GRIN2A: variants seen among roughly 807,000 people sequenced by gnomAD.
GRIN2A encodes the protein glutamate receptor ionotropic, NMDA 2A.
GRIN2A carries 22 observed loss-of-function variants against 113.4 expected under a neutral mutation model. That is an observed-to-expected ratio of 0.19 (90% CI 0.14 to 0.28). The LOEUF (loss-of-function observed/expected upper bound fraction) is 0.28. GRIN2A is among the 10% of genes least tolerant of loss of function. The pLI is 1.00. For missense variants in GRIN2A, 1,502 were observed against 1,887.0 expected (o/e 0.80, Z 3.78); for synonymous variants, 827 against 738.4 (o/e 1.12, Z -1.94).
intron 2 of GRIN2A, among the ~76,000 whole-genome samples, chr16:10,104,290 G>A (rs557886839): frequency 4.3e-4 from 65 of 152,288 alleles, no homozygotes; most frequent in African/African-American, 1.2e-3. Flanking sequence ...AGAGAAAAGT[G>A]GATGGATATG....
chr16:9,843,578 C>T (rs190997940), intron 5 of GRIN2A, among the ~76,000 whole-genome samples: 37 of 152,328 alleles, frequency 2.4e-4, no homozygotes, highest in Admixed American at 1.5e-3. Flanking sequence ...GGATCACAGA[C>T]TGCCTGTCTT....
chr16:9,764,845 G>T lies in GRIN2A; in HGVS notation c.2699C>A (p.Ser900Ter). 1 of 1,614,186 alleles carries T rather than the reference G, an allele frequency of 6.2e-7. No individual in the cohort carries two copies. Among genetic ancestry groups the T allele is most frequent in the South Asian group, 1.1e-5 (1 of 91,064 alleles). The change falls in exon 13 of 13, where the codon TCA becomes TAA. Residue 900 changes from serine to a stop codon, truncating the protein, a stop_gained. Coordinates refer to ENST00000330684, the MANE Select transcript of GRIN2A (RefSeq NM_001134407.3). LOFTEE classifies it high-confidence loss of function. ...SQSNMLKLLR[S>*]AKNISSMSNM... Reference sequence around the variant, plus strand: ...GGACATGCTGGAAATGTTTTTGGCTGACCGGAGGAGTTTTAACATGTTGCT... The same window carrying T: ...GGACATGCTGGAAATGTTTTTGGCTTACCGGAGGAGTTTTAACATGTTGCT...
At chr16:9,911,798 A>T (rs542773224) in intron 3 of GRIN2A, among the ~76,000 whole-genome samples, 3 of 152,344 alleles carry the variant, frequency 2.0e-5, no homozygotes, top group East Asian at 3.9e-4. Context: ...AAACCTGAGT[A>T]TAAAGGTTGA....
At chr16:9,974,226 C>A (rs1331112929) in intron 2 of GRIN2A, among the ~76,000 whole-genome samples, 2 of 152,124 alleles carry the variant, frequency 1.3e-5, no homozygotes, top group African/African-American at 4.8e-5. Context: ...AGAAGCGAAA[C>A]TAAAGGCAGT....
intron 2 of GRIN2A, among the ~76,000 whole-genome samples, chr16:10,098,928 C>G (rs1390644187): frequency 7.0e-6 from 1 of 143,070 alleles, no homozygotes; most frequent in Non-Finnish European, 1.5e-5. Context: ...ACCTACTGTC[C>G]CCCCTCCCCC....
intron 11 of GRIN2A, among the ~76,000 whole-genome samples, chr16:9,797,340 G>A (rs1233886442): frequency 6.6e-6 from 1 of 152,132 alleles, no homozygotes. Flanking sequence ...CTCCGTGTTG[G>A]CAATTGAAAG....
chr16:9,936,717 G>A (rs1473809957), intron 3 of GRIN2A, among the ~76,000 whole-genome samples: 1 of 152,164 alleles, frequency 6.6e-6, no homozygotes, highest in African/African-American at 2.4e-5. Flanking sequence ...GCGGTTCTGT[G>A]AGTAATGTTT....
rs1555501093 is a variant in GRIN2A, at chr16:9,890,993, C to T, written c.1115G>A (p.Trp372Ter). The T allele has an allele frequency of 6.2e-7, 1 of 1,601,044 alleles. No homozygotes were observed. The highest frequency in any genetic ancestry group is 8.6e-7 in the Non-Finnish European group (1 of 1,168,116). The change falls in exon 4 of 13, where the codon TGG becomes TAG. Residue 372 changes from tryptophan to a stop codon, truncating the protein, a stop_gained. Transcript: ENST00000330684. LOFTEE classifies it high-confidence loss of function. ...VVIVLNKDRE[W>*]EKVGKWENHT... ...ACACAGAAGGATGCTCACCTTTTCC[C>T]ATTCCCGGTCTTTGTTCAGCACAAT...
intron 3 of GRIN2A, among the ~76,000 whole-genome samples, chr16:9,899,565 A>T (rs888875284): frequency 1.3e-5 from 2 of 152,114 alleles, no homozygotes; most frequent in South Asian, 2.1e-4. Context: ...GATTTTTATA[A>T]GGAGAAAAGT....
chr16:9,782,000 C>T (rs530210666), intron 11 of GRIN2A, among the ~76,000 whole-genome samples: 6 of 151,900 alleles, frequency 3.9e-5, no homozygotes, highest in Non-Finnish European at 8.8e-5. Context: ...GTATATATAA[C>T]CAATAATTAT....
intron 4 of GRIN2A, among the ~76,000 whole-genome samples, chr16:9,875,746 A>G (rs2043351953): frequency 6.6e-6 from 1 of 152,202 alleles, no homozygotes; most frequent in Admixed American, 6.5e-5. Context: ...TTCAGTTACT[A>G]GAATGGATAA....
At chr16:10,009,049 T>C (rs844395) in intron 2 of GRIN2A, among the ~76,000 whole-genome samples, 90,501 of 151,994 alleles carry the variant, frequency 0.6, 27,097 homozygotes, top group Middle Eastern at 0.64. Context: ...ATACGTTATA[T>C]GTCAAGTGCT....
chr16:10,010,738 C>A (rs1260115487), intron 2 of GRIN2A, among the ~76,000 whole-genome samples: 21 of 152,114 alleles, frequency 1.4e-4, no homozygotes, highest in Admixed American at 1.4e-3. Context: ...TGCCTCCACC[C>A]CCAGGTACGT....
chr16:10,162,401 G>A (rs1415776440), intron 2 of GRIN2A, among the ~76,000 whole-genome samples: 1 of 152,196 alleles, frequency 6.6e-6, no homozygotes, highest in Non-Finnish European at 1.5e-5. Flanking sequence ...CCAGGCTGCT[G>A]TAACAAAGGA....
At chr16:9,870,653 G>A (rs1426250815) in intron 4 of GRIN2A, among the ~76,000 whole-genome samples, 1 of 101,490 alleles carries the variant, frequency 9.9e-6, no homozygotes, top group Non-Finnish European at 2.0e-5. Flanking sequence ...TTCTTTTTTT[G>A]TAGAGATGGA....
At chr16:9,961,882 A>G (rs989057157) in intron 2 of GRIN2A, among the ~76,000 whole-genome samples, 2 of 152,228 alleles carry the variant, frequency 1.3e-5, no homozygotes, top group African/African-American at 2.4e-5. Context: ...AAACTATGCT[A>G]CAAGGCTACA....
intron 2 of GRIN2A, among the ~76,000 whole-genome samples, chr16:10,130,405 T>C (rs2049036844): frequency 6.6e-6 from 1 of 152,234 alleles, no homozygotes; most frequent in African/African-American, 2.4e-5. Flanking sequence ...GCTGAGCAGA[T>C]CTTTGGGCTC....
intron 2 of GRIN2A, among the ~76,000 whole-genome samples, chr16:10,136,921 G>A (rs963312694): frequency 6.6e-6 from 1 of 152,188 alleles, no homozygotes; most frequent in Non-Finnish European, 1.5e-5. Context: ...GGAAGTAAAA[G>A]GAAACAATAA....
At chr16:10,156,076 G>A (rs2049688415) in intron 2 of GRIN2A, among the ~76,000 whole-genome samples, 1 of 152,158 alleles carries the variant, frequency 6.6e-6, no homozygotes, top group Non-Finnish European at 1.5e-5. Flanking sequence ...TCTAGCCCAG[G>A]GTCCAGGAAA....
Sources: gnomAD v4.1 joint callset for allele counts (sites outside exome capture counted in the v4.1 genomes callset) on GRCh38, gnomAD v4.1.1 for gene constraint, MANE v1.5 for transcripts, NCBI Gene and HGNC (gene_info 2026-07-23, HGNC 2026-07-21) for gene names.